PGRMC2: variants seen among roughly 807,000 people sequenced by gnomAD.
PGRMC2 encodes the protein membrane-associated progesterone receptor component 2.
A neutral mutation model predicts 19.3 loss-of-function variants in PGRMC2; 9 were observed. The ratio of observed to expected loss-of-function variants is 0.47; its 90% CI spans 0.28 to 0.81. The LOEUF is 0.81. PGRMC2 is among the 40% of genes least tolerant of loss of function. The pLI is 0.11. For missense variants in PGRMC2, 289 were observed against 297.3 expected (o/e 0.97, Z 0.21); for synonymous variants, 157 against 124.6 (o/e 1.26, Z -1.73).
Position 128,270,491 on chromosome 4 carries a change from A to C in PGRMC2, c.*825T>G, listed in dbSNP as rs1458717111. On this transcript the variant is annotated 3_prime_UTR_variant, in exon 3 of 3. Transcript: ENST00000296425. Reference sequence around the variant, plus strand: ...AGAATGATATCAAGGTTTTATGGTCAACAGAATATTCCAACTTCAGTCTTA... The same window carrying C: ...AGAATGATATCAAGGTTTTATGGTCCACAGAATATTCCAACTTCAGTCTTA... The C allele has an allele frequency of 6.6e-6, 1 of 152,662 alleles. No homozygotes were observed. Among genetic ancestry groups the C allele is most frequent in the Non-Finnish European group, 1.5e-5 (1 of 68,042 alleles). The allele number at this position is 152,662 out of a possible 1,614,324, so 9.5% of individuals were successfully genotyped here.
Position 128,271,054 on chromosome 4 carries a change from T to G in PGRMC2, c.*262A>C. Reference sequence around the variant, plus strand: ...GAAAGAAGTAATATTGTGACTTTCTTGCTCTTTAAAAAAATCCCTGTCTCC... The same window carrying G: ...GAAAGAAGTAATATTGTGACTTTCTGGCTCTTTAAAAAAATCCCTGTCTCC... On this transcript the variant is annotated 3_prime_UTR_variant, in exon 3 of 3. Coordinates refer to ENST00000296425, the MANE Select transcript of PGRMC2 (RefSeq NM_006320.6). 3.4e-6 allele frequency: 1 copy of G among 296,284 alleles called. No homozygotes were observed. The highest frequency in any genetic ancestry group is 6.2e-6 in the Non-Finnish European group (1 of 161,662). The allele number at this position is 296,284 out of a possible 1,614,324, so 18.4% of individuals were successfully genotyped here.
At position 128,287,465 on chromosome 4, in the gene PGRMC2, C is replaced by T. The variant is rs775818116; in HGVS notation, c.326G>A (p.Arg109His). The change falls in exon 1 of 3, where the codon CGC (arginine) becomes CAC (histidine). Residue 109 changes from arginine (R) to histidine (H), a missense_variant. Physicochemically the swap from Arg to His is conservative, Grantham distance 29 (BLOSUM62 0). Coordinates refer to ENST00000296425, the MANE Select transcript of PGRMC2 (RefSeq NM_006320.6). The part of the protein sequence containing the change: ...KKRDFSLEQL[R>H]QYDGSRNPRI... ...CGGGTTGCGGGAGCCGTCGTACTGG[C>T]GCAGCTGCTCCAAGCTGAAGTCCCG... The T allele has an allele frequency of 2.5e-6, 4 of 1,613,634 alleles. No individual in the cohort carries two copies. In the Admixed American group the frequency reaches 6.7e-5, roughly 27 times the overall value.
chr4:128,287,342 G>A (rs1475241753), intron 1 of PGRMC2, 31 bp downstream of exon 1: 1 of 1,571,166 alleles, frequency 6.4e-7, no homozygotes, highest in Non-Finnish European at 8.7e-7. Flanking sequence ...CAGCTGCAGG[G>A]GGTCCTTCCC....
At chr4:128,285,697 A>G (rs963453437) in intron 1 of PGRMC2, among the ~76,000 whole-genome samples, 4 of 152,200 alleles carry the variant, frequency 2.6e-5, no homozygotes, top group African/African-American at 7.2e-5. Flanking sequence ...CCAATGGGGG[A>G]AAAGCTTGAA....
chr4:128,280,489 C>A (rs1046759097), intron 1 of PGRMC2, among the ~76,000 whole-genome samples: 1 of 151,390 alleles, frequency 6.6e-6, no homozygotes, highest in Non-Finnish European at 1.5e-5. Flanking sequence ...AAGATCTCAA[C>A]TACAACCAAA....
chr4:128,280,985 T>C (rs1210427423), intron 1 of PGRMC2, among the ~76,000 whole-genome samples: 3 of 152,100 alleles, frequency 2.0e-5, no homozygotes, highest in South Asian at 2.1e-4. Flanking sequence ...TGAAAAACTA[T>C]AGGACACACC....
chr4:128,279,235 G>T (rs1760867724), intron 1 of PGRMC2, among the ~76,000 whole-genome samples: 1 of 151,700 alleles, frequency 6.6e-6, no homozygotes, highest in Non-Finnish European at 1.5e-5. Flanking sequence ...AAAAACTGTG[G>T]CAAAGGATAT....
chr4:128,281,410 T>C (rs989184658), intron 1 of PGRMC2, among the ~76,000 whole-genome samples: 4 of 152,048 alleles, frequency 2.6e-5, no homozygotes, highest in African/African-American at 9.7e-5. Flanking sequence ...CATAGGATAG[T>C]CATCTATAGC....
rs371417483 is a variant in PGRMC2 at position 128,272,530 on chromosome 4, A to G, written c.419-13T>C. The G allele has an allele frequency of 1.5e-4, 215 of 1,465,902 alleles. 2 individuals are homozygous for G. The South Asian group carries it at 2.9e-3, about 20-fold the overall frequency. 90.8% of individuals were successfully genotyped at this position (1,465,902 alleles called of 1,614,324 possible). On this transcript the variant is annotated splice_polypyrimidine_tract_variant and intron_variant, in intron 1 of 2. Transcript: ENST00000296425. ...CCATATGGACCCGCTGGAAAAAAGA[A>G]AATAAATTATTTAGATCACCTAACA... is the stretch of plus-strand genomic sequence containing the variant.
At chr4:128,280,380 AATATAT>A (rs1415347871) in intron 1 of PGRMC2, among the ~76,000 whole-genome samples, 11 of 147,362 alleles carry the variant, frequency 7.5e-5, no homozygotes, top group Admixed American at 1.4e-4. Flanking sequence ...AAAAAAGGAC[AATATAT>A]CCACAGACTT....
rs1354504717 is a variant in PGRMC2 at position 128,270,518 on chromosome 4, T to A, written c.*798A>T. Reference sequence around the variant, plus strand: ...CAGAATATTCCAACTTCAGTCTTAATGCTGCTTGTAGTGATTTCTGAATTC... The same window carrying A: ...CAGAATATTCCAACTTCAGTCTTAAAGCTGCTTGTAGTGATTTCTGAATTC... On this transcript the variant is annotated 3_prime_UTR_variant, in exon 3 of 3. Transcript: ENST00000296425. 1 of 152,738 alleles carries A rather than the reference T, an allele frequency of 6.5e-6. No individual in the cohort carries two copies. Among genetic ancestry groups the A allele is most frequent in the African/African-American group, 2.4e-5 (1 of 41,570 alleles). The allele number at this position is 152,738 out of a possible 1,614,324, so 9.5% of individuals were successfully genotyped here.
chr4:128,271,265 G>C lies in PGRMC2; in HGVS notation c.*51C>G, dbSNP rs1278502147. 4 of 910,354 alleles carry C rather than the reference G, an allele frequency of 4.4e-6. No homozygotes were observed. The highest frequency in any genetic ancestry group is 1.8e-6 in the Non-Finnish European group (1 of 557,656). The allele number at this position is 910,354 out of a possible 1,614,324, so 56.4% of individuals were successfully genotyped here. On this transcript the variant is annotated 3_prime_UTR_variant, in exon 3 of 3. Transcript: ENST00000296425. ...AAAGACTCCGGACAGTCTGTGAAAG[G>C]GAGTAAGAATTGCAGTTCTGAAGGC...
At chr4:128,284,438 T>G (rs1406695582) in intron 1 of PGRMC2, among the ~76,000 whole-genome samples, 1 of 152,218 alleles carries the variant, frequency 6.6e-6, no homozygotes, top group Admixed American at 6.5e-5. Context: ...TTTCTCCTCC[T>G]GTATTCAGTT....
intron 1 of PGRMC2, among the ~76,000 whole-genome samples, chr4:128,284,088 C>A (rs529794582): frequency 1.3e-5 from 2 of 151,204 alleles, no homozygotes; most frequent in East Asian, 3.9e-4. Context: ...TGGGATTACA[C>A]GCGTGAGCCA....
chr4:128,271,860 A>G (rs1760735167), intron 2 of PGRMC2, among the ~76,000 whole-genome samples: 1 of 152,224 alleles, frequency 6.6e-6, no homozygotes. Flanking sequence ...GATATTTTTT[A>G]TCTACATTTC....
chr4:128,278,297 A>G (rs1209508429), intron 1 of PGRMC2, among the ~76,000 whole-genome samples: 1 of 152,254 alleles, frequency 6.6e-6, no homozygotes, highest in Non-Finnish European at 1.5e-5. Context: ...TGGGACAACT[A>G]GATAACCTTC....
At chr4:128,282,267 G>C (rs1304804342) in intron 1 of PGRMC2, among the ~76,000 whole-genome samples, 1 of 152,148 alleles carries the variant, frequency 6.6e-6, no homozygotes, top group Non-Finnish European at 1.5e-5. Context: ...CCTGAGACTG[G>C]ATATAGGCTC....
intron 1 of PGRMC2, among the ~76,000 whole-genome samples, chr4:128,277,788 G>A (rs1760835429): frequency 1.3e-5 from 2 of 152,324 alleles, no homozygotes; most frequent in South Asian, 4.1e-4. Flanking sequence ...AGAGAATGCA[G>A]TATGGTAAAA....
chr4:128,287,296 G>A (rs1760998492), intron 1 of PGRMC2, 77 bp downstream of exon 1: 1 of 1,490,820 alleles, frequency 6.7e-7, no homozygotes, highest in Admixed American at 2.1e-5. Context: ...CTAACCCGGT[G>A]CCCAGAGGCC....
Sources: allele counts gnomAD v4.1 joint callset (sites outside exome capture counted in the v4.1 genomes callset), GRCh38; gene constraint gnomAD v4.1.1; transcripts MANE v1.5; gene names NCBI Gene and HGNC (gene_info 2026-07-23, HGNC 2026-07-21).